NHSL1: variants seen among roughly 807,000 people sequenced by gnomAD.
NHSL1 encodes the protein NHS like 1, also known as NHS-like protein 1.
A neutral mutation model predicts 95.0 loss-of-function variants in NHSL1; 48 were observed. The observed-to-expected ratio is 0.51, with a 90% CI of 0.40 to 0.64. The LOEUF is 0.64. Ranked by LOEUF, NHSL1 falls within the 30% of genes least tolerant of loss-of-function variation. The pLI is 0.00. For missense variants in NHSL1, 1,971 were observed against 2,077.7 expected, an observed-to-expected ratio of 0.95 and a Z score of 1.00; for synonymous variants, 783 against 833.9, an observed-to-expected ratio of 0.94 and a Z score of 1.05.
intron 1 of NHSL1, among the ~76,000 whole-genome samples, chr6:138,626,231 C>T (rs1784735833): frequency 6.6e-6 from 1 of 152,204 alleles, no homozygotes; most frequent in Admixed American, 6.5e-5. Context: ...CCAGTCCTGC[C>T]TGATCAGTCC....
At chr6:138,451,507 T>A (rs1317670779) in intron 3 of NHSL1, among the ~76,000 whole-genome samples, 1 of 152,236 alleles carries the variant, frequency 6.6e-6, no homozygotes, top group Admixed American at 6.5e-5. Flanking sequence ...ATAAGTTCCA[T>A]GAAGCTTTGA....
Position 138,431,776 on chromosome 6 carries a change from T to A in NHSL1, c.2569A>T (p.Asn857Tyr). The change falls in exon 6 of 8, where the codon AAT (asparagine) becomes TAT (tyrosine). Residue 857 changes from asparagine to tyrosine, a missense_variant. Transcript: ENST00000343505. The surrounding 1 kb of genome is among the most constrained non-coding windows in gnomAD (Gnocchi z 4.0). ...SPSSGYSSQS[N>Y]TPTALTPVPV... ...ACAGGGGTGAGTGCTGTGGGTGTAT[T>A]CGACTGGCTGGAATACCCACTGGAT... The A allele has an allele frequency of 3.9e-6, 6 of 1,551,726 alleles. No homozygotes were observed. Among genetic ancestry groups the A allele is most frequent in the Non-Finnish European group, 5.2e-6 (6 of 1,146,950 alleles).
intron 1 of NHSL1, among the ~76,000 whole-genome samples, chr6:138,554,320 CAA>C (rs1000880917): frequency 6.6e-6 from 1 of 151,976 alleles, no homozygotes; most frequent in Non-Finnish European, 1.5e-5. Flanking sequence ...CTCCACCCAC[CAA>C]AAAAAGTCAT....
chr6:138,690,958 CTT>C (rs1273885680), intron 1 of NHSL1, among the ~76,000 whole-genome samples: 1 of 152,152 alleles, frequency 6.6e-6, no homozygotes, highest in East Asian at 1.9e-4. Context: ...GGAGTTTCCT[CTT>C]GTTTTTTAAT....
rs1031797100 is a variant in NHSL1, at chr6:138,432,323, T to G, written c.2022A>C (p.Pro674=). 6.9e-5 allele frequency: 107 copies of G among 1,551,414 alleles called. No homozygotes were observed. The highest frequency in any genetic ancestry group is 9.2e-5 in the Non-Finnish European group (106 of 1,146,968). Residue 674 remains proline, a synonymous_variant, in exon 6 of 8, where the codon CCA becomes CCC. Transcript: ENST00000343505. The surrounding 1 kb of genome is among the most constrained non-coding windows in gnomAD (Gnocchi z 4.4). ...SLKKAKKPPL[P]PSRTDSLRRI... ...TGCGGAGGGAGTCTGTCCGGGAGGG[T>G]GGCAGGGGAGGCTTCTTTGCTTTCT... is the stretch of plus-strand genomic sequence containing the variant.
At chr6:138,630,989 T>G (rs1784811638) in intron 1 of NHSL1, among the ~76,000 whole-genome samples, 1 of 152,150 alleles carries the variant, frequency 6.6e-6, no homozygotes, top group South Asian at 2.1e-4. Flanking sequence ...AAGTCTTGAA[T>G]CACAGATGCC....
intron 4 of NHSL1, among the ~76,000 whole-genome samples, chr6:138,443,793 G>A (rs1776684640): frequency 6.6e-6 from 1 of 152,194 alleles, no homozygotes. Flanking sequence ...TTGCGCCACT[G>A]CATGCCAGCA....
intron 1 of NHSL1, among the ~76,000 whole-genome samples, chr6:138,598,794 T>G (rs1784335088): frequency 1.3e-5 from 2 of 152,170 alleles, no homozygotes; most frequent in African/African-American, 4.8e-5. Flanking sequence ...TGGGTGAAGC[T>G]AAACAATCCC....
intron 1 of NHSL1, among the ~76,000 whole-genome samples, chr6:138,626,271 C>G (rs909110484): frequency 1.3e-5 from 2 of 152,206 alleles, no homozygotes; most frequent in Non-Finnish European, 2.9e-5. Context: ...CCTCACTTAG[C>G]TTTTGGAAAC....
intron 1 of NHSL1, among the ~76,000 whole-genome samples, chr6:138,551,772 A>T (rs532192786): frequency 6.6e-6 from 1 of 152,180 alleles, no homozygotes; most frequent in African/African-American, 2.4e-5. Context: ...TAGTGCCTTC[A>T]GTCCATCCAG....
intron 1 of NHSL1, among the ~76,000 whole-genome samples, chr6:138,628,476 T>C (rs1201672907): frequency 1.3e-5 from 2 of 152,204 alleles, no homozygotes; most frequent in African/African-American, 4.8e-5. Context: ...CTGAAGACGA[T>C]AGCTTTATCT....
chr6:138,624,689 C>T (rs12190796), intron 1 of NHSL1, among the ~76,000 whole-genome samples: 27,066 of 152,152 alleles, frequency 0.18, 2,527 homozygotes, highest in South Asian at 0.25. Flanking sequence ...CCTTCTGACA[C>T]TTCACCCACC....
intron 1 of NHSL1, among the ~76,000 whole-genome samples, chr6:138,560,411 C>T (rs956885982): frequency 1.3e-5 from 2 of 152,140 alleles, no homozygotes; most frequent in African/African-American, 4.8e-5. Flanking sequence ...GAGCTAAGAT[C>T]CTTATGACAG....
At position 138,422,199 on chromosome 6, in the gene NHSL1, A is replaced by G. The variant is rs1774963203; in HGVS notation, c.*1882T>C. 1 of 152,210 alleles carries G rather than the reference A, an allele frequency of 6.6e-6. No individual in the cohort carries two copies. The highest frequency in any genetic ancestry group is 2.4e-5 in the African/African-American group (1 of 41,454). 9.4% of individuals were successfully genotyped at this position (152,210 alleles called of 1,614,324 possible). On this transcript the variant is annotated 3_prime_UTR_variant, in exon 8 of 8. Transcript: ENST00000343505. ...TATTAAAGGTTTCTGATATCCATAT[A>G]CATTCTAGTCTTTTTTAGGCAGCTA...
chr6:138,546,994 C>T (rs1251565957), upstream of NHSL1, among the ~76,000 whole-genome samples: 1 of 152,202 alleles, frequency 6.6e-6, no homozygotes, highest in Non-Finnish European at 1.5e-5. Context: ...ACGTGAGTCT[C>T]CTGGCTCAGG....
chr6:138,530,383 C>T (rs1334376396), intron 1 of NHSL1, among the ~76,000 whole-genome samples: 2 of 152,148 alleles, frequency 1.3e-5, no homozygotes, highest in Non-Finnish European at 2.9e-5. Context: ...CCTTAAAGAA[C>T]TCAAAGTAGA....
intron 1 of NHSL1, among the ~76,000 whole-genome samples, chr6:138,554,000 C>T (rs1478116825): frequency 2.0e-5 from 3 of 152,266 alleles, no homozygotes; most frequent in African/African-American, 7.2e-5. Context: ...AAAGAATTAA[C>T]ACCAGTATGT....
intron 4 of NHSL1, 155 bp downstream of exon 4, chr6:138,446,846 T>A: frequency 1.5e-6 from 1 of 684,824 alleles, no homozygotes; most frequent in Non-Finnish European, 2.5e-6. Flanking sequence ...CACACACATA[T>A]GTAGTTTTAA....
At chr6:138,544,234 C>T (rs544741808) in intron 1 of NHSL1, among the ~76,000 whole-genome samples, 1 of 152,168 alleles carries the variant, frequency 6.6e-6, no homozygotes, top group East Asian at 1.9e-4. Context: ...CTCTTCATAC[C>T]TAAACATTTT....
Sources: allele counts gnomAD v4.1 joint callset (sites outside exome capture counted in the v4.1 genomes callset), GRCh38; gene constraint gnomAD v4.1.1; non-coding constraint Gnocchi (gnomAD v3.1); transcripts MANE v1.5; gene names NCBI Gene and HGNC (gene_info 2026-07-23, HGNC 2026-07-21).